ZNF713: variants seen among roughly 807,000 people sequenced by gnomAD.
The protein encoded by ZNF713 is zinc finger protein 713.
In ZNF713, 21 loss-of-function variants were observed where a neutral mutation model predicts 28.7. The ratio of observed to expected loss-of-function variants is 0.73; its 90% CI spans 0.52 to 1.05. The LOEUF is 1.05. ZNF713 is among the 50% of genes least tolerant of loss of function. The pLI is 0.00. For missense variants in ZNF713, 458 were observed against 532.4 expected (o/e 0.86, Z 1.37); for synonymous variants, 167 against 178.0 (o/e 0.94, Z 0.49).
rs896449529 is a variant in ZNF713, at chr7:55,930,081, A to C, written c.307+6382A>C. ...ATATGAACAGTTCTTTTTTTTTTGA[A>C]ATAGAGTCTTGCTCTGTTGCCCAGG... On this transcript the variant is annotated intron_variant, in intron 6 of 6. Coordinates refer to ENST00000429591, the MANE Select transcript of ZNF713 (RefSeq NM_182633.3). Among the ~76,000 whole-genome samples the C allele has an allele frequency of 2.0e-5, 3 of 151,780 alleles. No individual in the cohort carries two copies. The South Asian group carries it at 6.2e-4, about 31-fold the overall frequency.
chr7:55,939,249 A>G lies in ZNF713; in HGVS notation c.575A>G (p.Asn192Ser). The change falls in exon 7 of 7, where the codon AAC (asparagine) becomes AGC (serine). Residue 192 changes from asparagine (N) to serine (S), a missense_variant. By Grantham distance (46) the Asn-to-Ser change is conservative. Transcript: ENST00000429591. The stretch of plus-strand genomic sequence containing the variant: ...AAATTTGCAGAAAACTGTAATCTGA[A>G]CTCAAACCTTATGCAGCAGAGAATT... ...CNKFAENCNL[N>S]SNLMQQRIPS... is the part of the protein sequence containing the mutation. 1.2e-6 allele frequency: 2 copies of G among 1,614,140 alleles called. No individual in the cohort carries two copies. Among genetic ancestry groups the G allele is most frequent in the African/African-American group, 1.3e-5 (1 of 75,050 alleles).
intron 4 of ZNF713, among the ~76,000 whole-genome samples, chr7:55,920,099 A>G (rs1441813310): frequency 6.6e-6 from 1 of 152,204 alleles, no homozygotes; most frequent in East Asian, 1.9e-4. Context: ...TAACCCTACA[A>G]TGGCCTCTGA....
At chr7:55,900,180 TGTGGTGGCCGGGC>T (rs553473041) in intron 1 of ZNF713, among the ~76,000 whole-genome samples, 22 of 152,254 alleles carry the variant, frequency 1.4e-4, no homozygotes, top group African/African-American at 4.3e-4. Flanking sequence ...ATTTTAAAAA[TGTGGTGGCCGGGC>T]GTGGTGGCTC....
intron 1 of ZNF713, among the ~76,000 whole-genome samples, chr7:55,887,893 C>CA (rs1167293856): frequency 0.041 from 3,604 of 87,430 alleles, 1,021 homozygotes; most frequent in African/African-American, 0.16. Flanking sequence ...CGGCGGGCGG[C>CA]GGCGGCGGCG....
chr7:55,939,618 T>C lies in ZNF713; in HGVS notation c.944T>C (p.Ile315Thr). ...QRIHTGEKPF[I>T]CNGCGKAFRQ... ...ATTCACACAGGAGAAAAGCCTTTTATATGCAATGGATGTGGGAAAGCCTTC... is the reference window on the plus strand; with the variant it reads ...ATTCACACAGGAGAAAAGCCTTTTACATGCAATGGATGTGGGAAAGCCTTC... Residue 315 changes from isoleucine (I) to threonine (T), a missense_variant, in exon 7 of 7, where the codon ATA becomes ACA. Physicochemically the swap from Ile to Thr is moderately conservative, Grantham distance 89. Transcript: ENST00000429591. 1 of 1,614,210 alleles carries C rather than the reference T, an allele frequency of 6.2e-7. No individual in the cohort carries two copies. The highest frequency in any genetic ancestry group is 1.3e-5 in the African/African-American group (1 of 75,068).
At chr7:55,888,497 C>T (rs1176534725) in intron 1 of ZNF713, among the ~76,000 whole-genome samples, 1 of 152,192 alleles carries the variant, frequency 6.6e-6, no homozygotes, top group African/African-American at 2.4e-5. Flanking sequence ...CTCCTCCTTC[C>T]TCAGCCTCCT....
chr7:55,929,868 A>T (rs528905607), intron 6 of ZNF713, among the ~76,000 whole-genome samples: 1 of 152,282 alleles, frequency 6.6e-6, no homozygotes, highest in Non-Finnish European at 1.5e-5. Context: ...TAAAGAGGAG[A>T]TTCATATATT....
Position 55,939,082 on chromosome 7 carries a change from C to T in ZNF713, c.408C>T (p.Asp136=), listed in dbSNP as rs748781416. Residue 136 remains aspartate (D), a synonymous_variant, in exon 7 of 7, where the codon GAC becomes GAT. Coordinates refer to ENST00000429591, the MANE Select transcript of ZNF713 (RefSeq NM_182633.3). ...TGATAATGGAGAGACTCGCAGGAGA[C>T]AGCTTCTGGTACTCCATCCTAGGAG... ...HEMIMERLAG[D]SFWYSILGGL... is the part of the protein sequence containing the mutation. 1 of 1,614,058 alleles carries T rather than the reference C, an allele frequency of 6.2e-7. No homozygotes were observed. The highest frequency in any genetic ancestry group is 1.1e-5 in the South Asian group (1 of 91,064).
intron 6 of ZNF713, among the ~76,000 whole-genome samples, chr7:55,930,938 A>G (rs368384059): frequency 1.3e-5 from 2 of 152,064 alleles, no homozygotes; most frequent in African/African-American, 4.8e-5. Context: ...GTTAACCACC[A>G]CTTTCATTAA....
intron 1 of ZNF713, among the ~76,000 whole-genome samples, chr7:55,888,170 C>T (rs1304037308): frequency 6.6e-6 from 1 of 151,988 alleles, no homozygotes; most frequent in Non-Finnish European, 1.5e-5. Context: ...GCTTTATTTT[C>T]TTATAATACG....
At chr7:55,915,426 T>C (rs939325515) in intron 4 of ZNF713, among the ~76,000 whole-genome samples, 3 of 152,096 alleles carry the variant, frequency 2.0e-5, no homozygotes, top group Admixed American at 6.5e-5. Context: ...CTGAGAAAAA[T>C]AGACATGACC....
At chr7:55,904,946 C>T (rs973317346) in intron 1 of ZNF713, among the ~76,000 whole-genome samples, 4 of 152,028 alleles carry the variant, frequency 2.6e-5, no homozygotes, top group Non-Finnish European at 1.5e-5. Context: ...AGGCTGGTCT[C>T]GAACTCCTGA....
chr7:55,930,563 A>G (rs1301777161), intron 6 of ZNF713, among the ~76,000 whole-genome samples: 2 of 152,160 alleles, frequency 1.3e-5, no homozygotes, highest in East Asian at 1.9e-4. Flanking sequence ...GGAGTTCAGG[A>G]CCATCTTGGG....
chr7:55,887,831 C>A (rs1194748920), intron 1 of ZNF713, among the ~76,000 whole-genome samples, 151 bp downstream of exon 1: 40 of 3,100 alleles, frequency 0.013, 14 homozygotes, highest in African/African-American at 0.027. Context: ...CGGCGGGCGG[C>A]GGGCGGCGGG....
In ZNF713 at chr7:55,939,616, T is replaced by TA; in HGVS notation, c.943dup (p.Ile315AsnfsTer29). Reference sequence around the variant, plus strand: ...GAATTCACACAGGAGAAAAGCCTTTTATATGCAATGGATGTGGGAAAGCCT... The same window carrying TA: ...GAATTCACACAGGAGAAAAGCCTTTTAATATGCAATGGATGTGGGAAAGCCT... On this transcript the variant is annotated frameshift_variant, in exon 7 of 7. Coordinates refer to ENST00000429591, the MANE Select transcript of ZNF713 (RefSeq NM_182633.3). LOFTEE classifies it high-confidence loss of function. 1.2e-6 allele frequency: 2 copies of TA among 1,614,196 alleles called. No homozygotes were observed. The highest frequency in any genetic ancestry group is 8.5e-7 in the Non-Finnish European group (1 of 1,180,038).
chr7:55,906,422 G>T (rs1785680773), intron 2 of ZNF713, 43 bp downstream of exon 2: 1 of 152,206 alleles, frequency 6.6e-6, no homozygotes. Context: ...TTGGGTGAAG[G>T]TGTAGACATT....
intron 1 of ZNF713, among the ~76,000 whole-genome samples, chr7:55,895,009 T>G (rs1425929783): frequency 6.6e-6 from 1 of 152,234 alleles, no homozygotes; most frequent in African/African-American, 2.4e-5. Context: ...ATATTATAAG[T>G]GATTTTCATT....
chr7:55,915,579 AGAT>A (rs1271292402), intron 4 of ZNF713, among the ~76,000 whole-genome samples: 8 of 152,252 alleles, frequency 5.3e-5, no homozygotes, highest in Non-Finnish European at 1.2e-4. Flanking sequence ...GTGAAATTTA[AGAT>A]GAGAAAGAAA....
At chr7:55,908,649 T>C (rs1394062862) in intron 2 of ZNF713, among the ~76,000 whole-genome samples, 1 of 152,166 alleles carries the variant, frequency 6.6e-6, no homozygotes, top group African/African-American at 2.4e-5. Flanking sequence ...TAGTCCTTTG[T>C]CAGATGCATG....
Sources: allele counts gnomAD v4.1 joint callset (sites outside exome capture counted in the v4.1 genomes callset), GRCh38; gene constraint gnomAD v4.1.1; transcripts MANE v1.5; gene names NCBI Gene and HGNC (gene_info 2026-07-23, HGNC 2026-07-21).